C12orf56: variants seen among roughly 807,000 people sequenced by gnomAD.
The protein encoded by C12orf56 is uncharacterized protein C12orf56.
Under a neutral mutation model 69.9 loss-of-function variants are expected in C12orf56, and 71 were observed. The observed-to-expected ratio is 1.02, with a 90% CI of 0.84 to 1.24. The LOEUF (loss-of-function observed/expected upper bound fraction) is 1.24. Among genes scored for constraint, C12orf56 ranks in the 50% most tolerant of loss-of-function variants. C12orf56 has a pLI of 0.00. For missense variants in C12orf56, 732 were observed against 738.5 expected (o/e 0.99, Z 0.10); for synonymous variants, 276 against 274.1 (o/e 1.01, Z -0.07).
intron 7 of C12orf56, 59 bp downstream of exon 7, chr12:64,285,895 T>G (rs2038193787): frequency 1.8e-6 from 2 of 1,134,966 alleles, no homozygotes; most frequent in Admixed American, 2.8e-5. Context: ...GTGTCTTCCA[T>G]TTATCTTTAA....
At chr12:64,355,391 T>G (rs933473191) in intron 1 of C12orf56, among the ~76,000 whole-genome samples, 2 of 152,170 alleles carry the variant, frequency 1.3e-5, no homozygotes, top group African/African-American at 2.4e-5. Flanking sequence ...CCACTCAACT[T>G]TCTCTGACTT....
chr12:64,350,093 G>GAAAAAA (rs200890156), intron 2 of C12orf56, among the ~76,000 whole-genome samples: 1 of 119,528 alleles, frequency 8.4e-6, no homozygotes. Flanking sequence ...CTCAGTCTCA[G>GAAAAAA]AAAAAAAAAA....
chr12:64,331,117 A>G, intron 2 of C12orf56, 85 bp from the exon 3 acceptor site: 1 of 1,145,686 alleles, frequency 8.7e-7, no homozygotes, highest in Non-Finnish European at 1.2e-6. Flanking sequence ...TACTGATTAA[A>G]TGACTGTTCA....
At chr12:64,321,877 C>G (rs2038778339) in intron 3 of C12orf56, among the ~76,000 whole-genome samples, 1 of 151,772 alleles carries the variant, frequency 6.6e-6, no homozygotes. Context: ...TTGAGTTTAT[C>G]TTTTTGGGGG....
chr12:64,343,128 G>A (rs2039096349), intron 2 of C12orf56, among the ~76,000 whole-genome samples: 2 of 152,162 alleles, frequency 1.3e-5, no homozygotes. Flanking sequence ...TGGTTGTAGA[G>A]AGGGCCAAAT....
intron 3 of C12orf56, among the ~76,000 whole-genome samples, chr12:64,322,324 C>G (rs2038783916): frequency 6.6e-6 from 1 of 152,016 alleles, no homozygotes; most frequent in South Asian, 2.1e-4. Flanking sequence ...AGTGACTTTC[C>G]TCTGTCATCT....
At chr12:64,300,252 T>C (rs1393359333) in intron 6 of C12orf56, among the ~76,000 whole-genome samples, 2 of 152,144 alleles carry the variant, frequency 1.3e-5, no homozygotes, top group East Asian at 1.9e-4. Flanking sequence ...CATGGCTCGA[T>C]CTTGTAGAGG....
chr12:64,351,618 G>C (rs1202723146), intron 2 of C12orf56, among the ~76,000 whole-genome samples: 1 of 152,122 alleles, frequency 6.6e-6, no homozygotes, highest in Non-Finnish European at 1.5e-5. Flanking sequence ...AGTCCTCCCT[G>C]TTAATGTCAG....
intron 9 of C12orf56, among the ~76,000 whole-genome samples, chr12:64,276,993 T>TAAA (rs200351319): frequency 2.0e-4 from 14 of 69,216 alleles, no homozygotes; most frequent in African/African-American, 6.9e-4. Flanking sequence ...AACCCTTTCT[T>TAAA]AAAAAAAAAA....
intron 8 of C12orf56, among the ~76,000 whole-genome samples, chr12:64,283,644 CTCTT>C (rs1178348519): frequency 1.7e-3 from 260 of 149,332 alleles, no homozygotes; most frequent in African/African-American, 6.2e-3. Context: ...CTGCTTCTCT[CTCTT>C]TTTTTTTTTT....
chr12:64,347,354 C>T (rs973855767), intron 2 of C12orf56, among the ~76,000 whole-genome samples: 52 of 149,000 alleles, frequency 3.5e-4, no homozygotes, highest in Admixed American at 9.5e-4. Flanking sequence ...GGCATGATCT[C>T]GGCTCACTGC....
At chr12:64,298,255 C>T (rs1002722705) in intron 6 of C12orf56, among the ~76,000 whole-genome samples, 5 of 152,054 alleles carry the variant, frequency 3.3e-5, no homozygotes, top group East Asian at 1.9e-4. Context: ...AATTTGTTTA[C>T]GTCCTTTGTA....
chr12:64,318,764 G>A lies in C12orf56; in HGVS notation c.705C>T (p.Ser235=), dbSNP rs1451469100. Residue 235 remains serine, a synonymous_variant, in exon 4 of 13, where the codon TCC becomes TCT. Coordinates refer to ENST00000543942, the MANE Select transcript of C12orf56 (RefSeq NM_001170633.2). ...KEPQGLPDHN[S]ISEIPFKCNG... ...TGCACTTGAAAGGAATTTCACTTATGGAGTTGTGATCTGGAAGTCCCTGGG... is the reference window on the plus strand; with the variant it reads ...TGCACTTGAAAGGAATTTCACTTATAGAGTTGTGATCTGGAAGTCCCTGGG... 2 of 1,504,692 alleles carry A rather than the reference G, an allele frequency of 1.3e-6. No homozygotes were observed. The highest frequency in any genetic ancestry group is 1.8e-6 in the Non-Finnish European group (2 of 1,135,864). 93.2% of individuals were successfully genotyped at this position (1,504,692 alleles called of 1,614,324 possible). A position where few individuals can be genotyped will look rare whatever the true frequency, so the allele number is the denominator to read the frequency against.
chr12:64,303,209 G>A (rs2038469344), intron 6 of C12orf56, among the ~76,000 whole-genome samples: 1 of 151,852 alleles, frequency 6.6e-6, no homozygotes, highest in Non-Finnish European at 1.5e-5. Context: ...GGGAGGCAGA[G>A]GTTGCAGTGA....
intron 1 of C12orf56, among the ~76,000 whole-genome samples, chr12:64,353,586 C>T (rs1235150119): frequency 6.6e-6 from 1 of 152,062 alleles, no homozygotes; most frequent in Non-Finnish European, 1.5e-5. Context: ...CAACAGAACC[C>T]AAGAAACTAT....
At chr12:64,358,476 A>ATCATCATCATCATCATC (rs1565773410) in intron 1 of C12orf56, among the ~76,000 whole-genome samples, 1 of 21,132 alleles carries the variant, frequency 4.7e-5, no homozygotes, top group African/African-American at 8.0e-5. Flanking sequence ...TAATAATAAT[A>ATCATCATCATCATCATC]ATAATAATCA....
chr12:64,308,972 A>AAAT (rs200012816), intron 5 of C12orf56, among the ~76,000 whole-genome samples: 1 of 77,388 alleles, frequency 1.3e-5, no homozygotes, highest in African/African-American at 5.5e-5. Context: ...AGAAAGAAAG[A>AAAT]AAAGAAAGAA....
chr12:64,381,976 A>G (rs1286180179), intron 1 of C12orf56, among the ~76,000 whole-genome samples: 1 of 152,024 alleles, frequency 6.6e-6, no homozygotes, highest in Non-Finnish European at 1.5e-5. Flanking sequence ...GGAAGAATAA[A>G]CTCAGCAGGG....
chr12:64,325,296 C>T lies in C12orf56; in HGVS notation c.488+5664G>A, dbSNP rs145028777. ...CTGTAATCCCAGCTACCTAGGAGGTCGAGGCTTTAGTGAGCCATAATCACA... is the reference window on the plus strand; with the variant it reads ...CTGTAATCCCAGCTACCTAGGAGGTTGAGGCTTTAGTGAGCCATAATCACA... On this transcript the variant is annotated intron_variant, in intron 3 of 12. Coordinates refer to ENST00000543942, the MANE Select transcript of C12orf56 (RefSeq NM_001170633.2). Among the ~76,000 whole-genome samples the T allele has an allele frequency of 3.5e-3, 534 of 150,566 alleles. 4 individuals are homozygous for T. Among genetic ancestry groups the T allele is most frequent in the African/African-American group, 0.012 (481 of 40,934 alleles).
Sources: gnomAD v4.1 joint callset for allele counts (sites outside exome capture counted in the v4.1 genomes callset) on GRCh38, gnomAD v4.1.1 for gene constraint, MANE v1.5 for transcripts, NCBI Gene and HGNC (gene_info 2026-07-23, HGNC 2026-07-21) for gene names.